The following RYR2 variants were observed in gnomAD, a reference collection of about 807,000 sequenced individuals.
RYR2 encodes cardiac muscle ryanodine receptor-calcium release channel.
RYR2 carries 227 observed loss-of-function variants against 601.1 expected under a neutral mutation model. That is an observed-to-expected ratio of 0.38 (90% CI 0.34 to 0.42). RYR2 has a LOEUF of 0.42. Among genes scored for constraint, RYR2 ranks in the 10% least tolerant of loss-of-function variants. The probability of loss-of-function intolerance (pLI) is 1.00; values close to 1 mark genes in which losing one functional copy is unlikely to be tolerated. For missense variants in RYR2, 4,646 were observed against 6,156.5 expected (o/e 0.75, Z 8.21); for synonymous variants, 2,223 against 2,175.1 (o/e 1.02, Z -0.61).
intron 10 of RYR2, among the ~76,000 whole-genome samples, chr1:237,414,629 G>A (rs1349813479): frequency 6.6e-6 from 1 of 152,122 alleles, no homozygotes; most frequent in Non-Finnish European, 1.5e-5. Flanking sequence ...GATCAAATCA[G>A]CCGTTGGCAT....
chr1:237,647,482 A>ATTATCC (rs1682295234), intron 48 of RYR2, among the ~76,000 whole-genome samples: 1 of 152,230 alleles, frequency 6.6e-6, no homozygotes, highest in Non-Finnish European at 1.5e-5. Context: ...ACTACCAGGC[A>ATTATCC]TTATCCTTTC....
chr1:237,268,949 A>AAAAAAAAAAC (rs1689372467), intron 1 of RYR2, among the ~76,000 whole-genome samples: 1 of 146,142 alleles, frequency 6.8e-6, no homozygotes, highest in Non-Finnish European at 1.5e-5. Flanking sequence ...AAAAAAAAAA[A>AAAAAAAAAAC]AAAAAAAAAA....
chr1:237,781,415 ATTT>A (rs1295552940), intron 88 of RYR2, 147 bp from the exon 89 acceptor site: 1 of 554,140 alleles, frequency 1.8e-6, no homozygotes, highest in African/African-American at 1.9e-5. Flanking sequence ...AAGTATAACT[ATTT>A]TTAATATTTG....
In RYR2 at chr1:237,416,759, C is replaced by CAGAGAG. The variant is rs5781955; in HGVS notation, c.774-289_774-288insGAGAGA. Among the ~76,000 whole-genome samples the CAGAGAG allele has an allele frequency of 4.3e-3, 591 of 138,992 alleles. 3 individuals are homozygous for CAGAGAG. Among genetic ancestry groups the CAGAGAG allele is most frequent in the African/African-American group, 0.013 (463 of 35,852 alleles). The allele number at this position is 138,992 out of a possible 152,430, so 91.2% of individuals were successfully genotyped here. A position where few individuals can be genotyped will look rare whatever the true frequency, so the allele number is the denominator to read the frequency against. On this transcript the variant is annotated intron_variant, in intron 10 of 104. Transcript: ENST00000366574. ...GGAGGGATGGGAAGAAACACACACA[C>CAGAGAG]ACACAGAGAGAGAGAGAGAGAGAGA...
chr1:237,828,057 T>C (rs1663364518), intron 101 of RYR2, among the ~76,000 whole-genome samples: 1 of 151,404 alleles, frequency 6.6e-6, no homozygotes, highest in Non-Finnish European at 1.5e-5. Context: ...TCTGTACTTA[T>C]AAATCTCAGC....
intron 2 of RYR2, among the ~76,000 whole-genome samples, chr1:237,326,802 G>A (rs1696216347): frequency 6.6e-6 from 1 of 152,154 alleles, no homozygotes; most frequent in South Asian, 2.1e-4. Flanking sequence ...TTTGTAAAAT[G>A]TTTTACCTTA....
chr1:237,730,356 A>C lies in RYR2; in HGVS notation c.10935A>C (p.Ala3645=), dbSNP rs770623086. 6.5e-7 allele frequency: 1 copy of C among 1,543,644 alleles called. No homozygotes were observed. Among genetic ancestry groups the C allele is most frequent in the Non-Finnish European group, 9.0e-7 (1 of 1,116,122 alleles). ...AAGATAAACTGATAGAAGATTTAGC[A>C]GTATGTTTTTAGTGGGGCTCTAAGA... ...YFEDKLIEDL[A]KPGAEPPEED... Residue 3645 remains alanine, a splice_region_variant and synonymous_variant, in exon 77 of 105, where the codon GCA becomes GCC. Transcript: ENST00000366574.
intron 63 of RYR2, among the ~76,000 whole-genome samples, chr1:237,688,898 T>G (rs1040664537): frequency 3.0e-4 from 45 of 152,184 alleles, no homozygotes; most frequent in African/African-American, 1.0e-3. Context: ...TATATCCTTC[T>G]TTTCCTGTTA....
intron 25 of RYR2, among the ~76,000 whole-genome samples, chr1:237,538,706 G>A (rs1668931996): frequency 6.6e-6 from 1 of 150,540 alleles, no homozygotes; most frequent in Admixed American, 6.6e-5. Context: ...GAGAGGCGGA[G>A]GTTGCTGTGA....
intron 10 of RYR2, among the ~76,000 whole-genome samples, chr1:237,391,845 A>C (rs774617912): frequency 4.6e-5 from 7 of 152,260 alleles, no homozygotes; most frequent in Non-Finnish European, 1.0e-4. Context: ...ACTGAATTGG[A>C]GATGATGCCT....
intron 63 of RYR2, among the ~76,000 whole-genome samples, chr1:237,692,309 T>C (rs767950338): frequency 6.6e-6 from 1 of 152,212 alleles, no homozygotes; most frequent in Non-Finnish European, 1.5e-5. Context: ...CAGACCAATA[T>C]GCAAACATCT....
At chr1:237,708,351 A>G (rs1442046940) in intron 68 of RYR2, among the ~76,000 whole-genome samples, 1 of 152,192 alleles carries the variant, frequency 6.6e-6, no homozygotes, top group African/African-American at 2.4e-5. Context: ...AAGTCATTTT[A>G]AAAATGGCCC....
chr1:237,191,824 T>A (rs766496368), intron 1 of RYR2, among the ~76,000 whole-genome samples: 4 of 152,234 alleles, frequency 2.6e-5, no homozygotes, highest in Non-Finnish European at 5.9e-5. Context: ...TGGAAATTTT[T>A]GCCAGAGGAA....
Position 237,589,500 on chromosome 1 carries a change from G to A in RYR2, c.3599-293G>A, listed in dbSNP as rs186233493. On this transcript the variant is annotated intron_variant, in intron 29 of 104. Coordinates refer to ENST00000366574, the MANE Select transcript of RYR2 (RefSeq NM_001035.3). ...CAGGGCGGGGATCTCTAGAATCCCC[G>A]GAGGACCAGGGGCTGCATAGCATTT... Among the ~76,000 whole-genome samples, 29 of 152,238 alleles carry A rather than the reference G, an allele frequency of 1.9e-4. 1 individual carries two copies. Among genetic ancestry groups the A allele is most frequent in the Non-Finnish European group, 2.6e-4 (18 of 68,006 alleles).
intron 1 of RYR2, among the ~76,000 whole-genome samples, chr1:237,247,216 G>A (rs6675194): frequency 1.3e-5 from 2 of 152,226 alleles, no homozygotes; most frequent in South Asian, 2.1e-4. Context: ...AAAAGCTCTC[G>A]ACACTGTGAA....
At chr1:237,496,453 G>T in intron 19 of RYR2, 58 bp from the exon 20 acceptor site, 4 of 1,594,330 alleles carry the variant, frequency 2.5e-6, no homozygotes, top group African/African-American at 1.3e-5. Flanking sequence ...AGATGTAAAT[G>T]AAAACAATGA....
chr1:237,117,305 A>C (rs1558263205), intron 1 of RYR2, among the ~76,000 whole-genome samples: 2 of 152,176 alleles, frequency 1.3e-5, no homozygotes, highest in Non-Finnish European at 2.9e-5. Context: ...CCAGGTCACG[A>C]AAGACCTTCT....
chr1:237,438,261 A>G (rs909280081), intron 12 of RYR2, among the ~76,000 whole-genome samples: 5 of 152,136 alleles, frequency 3.3e-5, no homozygotes, highest in Admixed American at 2.6e-4. Context: ...CTCGTCTGCT[A>G]GTTGTAGGAT....
rs760384075 is a variant in RYR2 at position 237,128,388 on chromosome 1, GGGGAGA to G, written c.48+85842_48+85847del. Reference sequence around the variant, plus strand: ...GGAAAGAGAGGGAGAGGCAGACCGTGGGGAGAGGGAGAGGGAGAGGGAGAGGGACTG... The same window carrying G: ...GGAAAGAGAGGGAGAGGCAGACCGTGGGGAGAGGGAGAGGGAGAGGGACTG... On this transcript the variant is annotated intron_variant, in intron 1 of 104. Coordinates refer to ENST00000366574, the MANE Select transcript of RYR2 (RefSeq NM_001035.3). 2.1e-3 allele frequency among the ~76,000 whole-genome samples: 320 copies of G among 152,240 alleles called. 1 individual carries two copies. The highest frequency in any genetic ancestry group is 4.1e-3 in the African/African-American group (169 of 41,546).
Sources: gnomAD v4.1 joint callset for allele counts (sites outside exome capture counted in the v4.1 genomes callset) on GRCh38, gnomAD v4.1.1 for gene constraint, MANE v1.5 for transcripts, NCBI Gene and HGNC (gene_info 2026-07-23, HGNC 2026-07-21) for gene names.